The following PPP2R2C variants were observed in gnomAD, a reference collection of about 807,000 sequenced individuals.
PPP2R2C encodes protein phosphatase 2 regulatory subunit Bgamma.
Under a neutral mutation model 45.3 loss-of-function variants are expected in PPP2R2C, and 10 were observed. The observed-to-expected ratio is 0.22, with a 90% CI of 0.14 to 0.37. The LOEUF is 0.37. PPP2R2C is among the 10% of genes least tolerant of loss of function. The pLI is 1.00. For missense variants in PPP2R2C, 308 were observed against 619.7 expected (o/e 0.50, Z 5.34); for synonymous variants, 257 against 245.4 (o/e 1.05, Z -0.44).
At chr4:6,442,210 G>T (rs1033171069) in intron 1 of PPP2R2C, among the ~76,000 whole-genome samples, 13 of 152,242 alleles carry the variant, frequency 8.5e-5, no homozygotes, top group Admixed American at 2.6e-4. Context: ...ACACAGGCCA[G>T]GTTTCCAGTG....
chr4:6,448,692 A>G (rs1720565189), intron 1 of PPP2R2C, among the ~76,000 whole-genome samples: 1 of 152,140 alleles, frequency 6.6e-6, no homozygotes, highest in African/African-American at 2.4e-5. Context: ...GTGAGGCCTC[A>G]GAAGCCCAGG....
At chr4:6,396,939 T>G (rs1717081631) in intron 1 of PPP2R2C, among the ~76,000 whole-genome samples, 1 of 152,162 alleles carries the variant, frequency 6.6e-6, no homozygotes, top group Non-Finnish European at 1.5e-5. Context: ...GCGAGCCTAC[T>G]CAAGCCAGGG....
chr4:6,356,951 G>A (rs1479585051), intron 5 of PPP2R2C, among the ~76,000 whole-genome samples: 1 of 150,472 alleles, frequency 6.6e-6, no homozygotes, highest in Admixed American at 6.6e-5. Flanking sequence ...CCTTTCATCT[G>A]CTGTGGCACC....
chr4:6,412,932 G>A (rs145263933), intron 1 of PPP2R2C, among the ~76,000 whole-genome samples: 11 of 152,272 alleles, frequency 7.2e-5, no homozygotes, highest in South Asian at 2.1e-4. Context: ...AACAGACACC[G>A]AAACTGCTGG....
intron 5 of PPP2R2C, among the ~76,000 whole-genome samples, chr4:6,370,117 T>G (rs1199440053): frequency 1.3e-5 from 2 of 152,058 alleles, no homozygotes; most frequent in Non-Finnish European, 2.9e-5. Flanking sequence ...TCGAGAAGGG[T>G]GGCTGCCACT....
chr4:6,456,341 T>C (rs1160431241), intron 1 of PPP2R2C, among the ~76,000 whole-genome samples: 1 of 139,304 alleles, frequency 7.2e-6, no homozygotes, highest in African/African-American at 2.6e-5. Context: ...GTCTACACGT[T>C]CAAACGTTTC....
chr4:6,370,521 G>C (rs1447161569), intron 5 of PPP2R2C, among the ~76,000 whole-genome samples: 1 of 152,144 alleles, frequency 6.6e-6, no homozygotes, highest in Non-Finnish European at 1.5e-5. Context: ...ATCACAACAA[G>C]GCATTCACCC....
At chr4:6,535,481 C>G in intron 1 of PPP2R2C, 1 of 772,304 alleles carries the variant, frequency 1.3e-6, no homozygotes, top group South Asian at 1.8e-5. Flanking sequence ...CACGGCCGCC[C>G]TGGCCGCCGC....
chr4:6,370,740 C>G (rs947460611), intron 5 of PPP2R2C, among the ~76,000 whole-genome samples: 1 of 152,216 alleles, frequency 6.6e-6, no homozygotes, highest in African/African-American at 2.4e-5. Context: ...CCGCAGCTCT[C>G]TTACAGTTAT....
At chr4:6,444,208 G>A (rs958027462) in intron 1 of PPP2R2C, among the ~76,000 whole-genome samples, 10 of 152,334 alleles carry the variant, frequency 6.6e-5, no homozygotes, top group Non-Finnish European at 1.2e-4. Context: ...CAGTGGCCCC[G>A]AAAATGGAAA....
chr4:6,484,513 T>TAA (rs569436768), intron 2 of PPP2R2C, among the ~76,000 whole-genome samples: 16 of 146,386 alleles, frequency 1.1e-4, no homozygotes, highest in African/African-American at 2.2e-4. Context: ...TTCAGTTTCT[T>TAA]AAAAAAAAAA....
intron 5 of PPP2R2C, among the ~76,000 whole-genome samples, chr4:6,370,556 T>C (rs1179506678): frequency 6.6e-6 from 1 of 152,088 alleles, no homozygotes; most frequent in East Asian, 1.9e-4. Flanking sequence ...CAAGATGCCA[T>C]TTAGGGTCCT....
chr4:6,374,734 G>T (rs907362535), intron 4 of PPP2R2C, among the ~76,000 whole-genome samples: 6 of 152,196 alleles, frequency 3.9e-5, no homozygotes, highest in African/African-American at 1.2e-4. Flanking sequence ...GGACACTTTG[G>T]GGACAGGTAC....
chr4:6,394,352 T>C (rs907878361), intron 1 of PPP2R2C, among the ~76,000 whole-genome samples: 10 of 152,230 alleles, frequency 6.6e-5, no homozygotes, highest in Non-Finnish European at 1.5e-4. Flanking sequence ...GACAGAAGTG[T>C]CTGGCACCAA....
chr4:6,419,603 G>T (rs984173389), intron 1 of PPP2R2C, among the ~76,000 whole-genome samples: 3 of 152,140 alleles, frequency 2.0e-5, no homozygotes, highest in Admixed American at 2.0e-4. Context: ...TCCTCTTCTG[G>T]GATGTTAGGG....
At chr4:6,545,352 G>A (rs1044050194) in intron 1 of PPP2R2C, among the ~76,000 whole-genome samples, 2 of 152,220 alleles carry the variant, frequency 1.3e-5, no homozygotes, top group South Asian at 4.1e-4. Context: ...CTAACAAGGT[G>A]CTTTAGAGTC....
intron 2 of PPP2R2C, chr4:6,535,248 G>C (rs930467068): frequency 6.5e-7 from 1 of 1,534,974 alleles, no homozygotes; most frequent in Non-Finnish European, 8.7e-7. Context: ...GCTGCTGCCC[G>C]GCTGTGAGAA....
intron 7 of PPP2R2C, among the ~76,000 whole-genome samples, chr4:6,333,001 C>A (rs1052377713): frequency 6.6e-6 from 1 of 152,130 alleles, no homozygotes; most frequent in Non-Finnish European, 1.5e-5. Context: ...TTGTTGTCTA[C>A]CCCCTAACAT....
chr4:6,378,686 GA>G lies in PPP2R2C; in HGVS notation c.169-115del. 8.9e-7 allele frequency: 1 copy of G among 1,126,442 alleles called. No individual in the cohort carries two copies. The highest frequency in any genetic ancestry group is 1.3e-6 in the Non-Finnish European group (1 of 788,308). 69.8% of individuals were successfully genotyped at this position (1,126,442 alleles called of 1,614,324 possible). On this transcript the variant is annotated intron_variant, in intron 2 of 8. Coordinates refer to ENST00000382599, the MANE Select transcript of PPP2R2C (RefSeq NM_020416.4). This position sits in a 1 kb window ranked among gnomAD's most constrained non-coding sequence, Gnocchi z 5.2. ...GGACCAAGTGCCGAGCCGTGCCAGG[GA>G]TCCAATTCGAGGGTCAAATGAAACT...
Sources: gnomAD v4.1 joint callset for allele counts (sites outside exome capture counted in the v4.1 genomes callset) on GRCh38, gnomAD v4.1.1 for gene constraint, Gnocchi (gnomAD v3.1) non-coding constraint, MANE v1.5 for transcripts, NCBI Gene and HGNC (gene_info 2026-07-23, HGNC 2026-07-21) for gene names.